Variants in PHF12 observed in about 807,000 individuals in gnomAD.
PHF12 encodes the protein PHD finger protein 12.
A neutral mutation model predicts 99.8 loss-of-function variants in PHF12; 6 were observed. The ratio of observed to expected loss-of-function variants is 0.06; its 90% CI spans 0.03 to 0.12. The LOEUF (loss-of-function observed/expected upper bound fraction) is 0.12, where lower values mean the gene tolerates loss of function less well. Among genes scored for constraint, PHF12 ranks in the 10% least tolerant of loss-of-function variants. PHF12 has a pLI of 1.00. For synonymous variants in PHF12, 480 were observed against 514.9 expected (o/e 0.93, Z 0.92); for missense variants, 954 against 1,300.1 (o/e 0.73, Z 4.09).
At chr17:28,914,596 C>G (rs1273244505) in intron 7 of PHF12, among the ~76,000 whole-genome samples, 1 of 134,158 alleles carries the variant, frequency 7.5e-6, no homozygotes, top group Admixed American at 8.6e-5. Flanking sequence ...GGCATGAACC[C>G]GGGAGGCGGA....
chr17:28,909,177 C>T (rs890611665), intron 11 of PHF12: 2 of 385,456 alleles, frequency 5.2e-6, no homozygotes, highest in Non-Finnish European at 9.7e-6. Context: ...GATATTCCAG[C>T]TGGTACTATA....
chr17:28,942,435 G>A (rs1248825442), intron 2 of PHF12, among the ~76,000 whole-genome samples: 1 of 151,982 alleles, frequency 6.6e-6, no homozygotes, highest in East Asian at 1.9e-4. Context: ...GTGGAGGATT[G>A]CTTGAGACTA....
At position 28,913,289 on chromosome 17, in the gene PHF12, G is replaced by A; in HGVS notation, c.1294-12C>T. The A allele has an allele frequency of 6.3e-7, 1 of 1,590,898 alleles. No individual in the cohort carries two copies. Among genetic ancestry groups the A allele is most frequent in the Non-Finnish European group, 8.6e-7 (1 of 1,166,306 alleles). On this transcript the variant is annotated splice_polypyrimidine_tract_variant and intron_variant, in intron 8 of 14. Transcript: ENST00000332830. ...ACACTACAGAGCCACTGCAATGGAA[G>A]GAGAGGAGAGGGGGGTGAGAAGCCT...
rs768101221 is a variant in PHF12 at position 28,926,938 on chromosome 17, T to C, written c.321+53A>G. ...GCTAGGCCGTCTTAGCTCTAGCATA[T>C]CAGTGCTCTGGATCAGGCTTTCTGG... On this transcript the variant is annotated intron_variant, in intron 3 of 14. Transcript: ENST00000332830. 12 of 1,608,876 alleles carry C rather than the reference T, an allele frequency of 7.5e-6. No homozygotes were observed. The Admixed American group carries it at 1.8e-4, about 25-fold the overall frequency.
intron 9 of PHF12, chr17:28,912,064 ATTCTTTTGTGTGGATCTGACAATAC>A: frequency 1.0e-6 from 1 of 1,001,884 alleles, no homozygotes; most frequent in Non-Finnish European, 1.2e-6. Context: ...GCATGAATCC[ATTCTTTTGTGTGGATCTGACAATAC>A]TGAGGCCATC....
At chr17:28,923,006 G>T (rs1161367771) in intron 4 of PHF12, among the ~76,000 whole-genome samples, 1 of 151,318 alleles carries the variant, frequency 6.6e-6, no homozygotes, top group Non-Finnish European at 1.5e-5. Context: ...CTTGAGCTGT[G>T]GTCACACCAC....
intron 7 of PHF12, 98 bp downstream of exon 7, chr17:28,917,187 C>T: frequency 3.9e-6 from 6 of 1,529,426 alleles, no homozygotes; most frequent in Non-Finnish European, 4.5e-6. Context: ...ATTTCTGGGG[C>T]TTCAGTTTCC....
rs1239256078 is a variant in PHF12 at position 28,905,584 on chromosome 17, T to C, written c.*599A>G. The C allele has an allele frequency of 6.6e-6, 1 of 152,588 alleles. No homozygotes were observed. The highest frequency in any genetic ancestry group is 1.5e-5 in the Non-Finnish European group (1 of 68,044). The allele number at this position is 152,588 out of a possible 1,614,324, so 9.5% of individuals were successfully genotyped here. On this transcript the variant is annotated 3_prime_UTR_variant, in exon 15 of 15. Transcript: ENST00000332830. ...TTTTCCTTATTTGAAATAAAATAGA[T>C]GGACAGCCAGAAAAAGAATTCATTT...
Position 28,951,467 on chromosome 17 carries a change from C to T in PHF12, c.-507G>A, listed in dbSNP as rs1452288262. ...TGCCGCGCACTTGGCGCAAACTTAC[C>T]GCGAGCGCCCGCAAAGCCACCCGCG... On this transcript the variant is annotated 5_prime_UTR_variant, in exon 1 of 15. Transcript: ENST00000332830. 1.0e-6 allele frequency: 1 copy of T among 985,460 alleles called. No homozygotes were observed. Among genetic ancestry groups the T allele is most frequent in the Admixed American group, 6.1e-5 (1 of 16,264 alleles). The allele number at this position is 985,460 out of a possible 1,614,324, so 61.0% of individuals were successfully genotyped here.
chr17:28,923,653 C>CAAAAAAAAAAAAAAAAAAAAAAAAAAA lies in PHF12; in HGVS notation c.715+255_715+256insTTTTTTTTTTTTTTTTTTTTTTTTTTT, dbSNP rs35263191. Among the ~76,000 whole-genome samples the CAAAAAAAAAAAAAAAAAAAAAAAAAAA allele has an allele frequency of 1.4e-3, 62 of 43,470 alleles. 3 individuals are homozygous for CAAAAAAAAAAAAAAAAAAAAAAAAAAA. Among genetic ancestry groups the CAAAAAAAAAAAAAAAAAAAAAAAAAAA allele is most frequent in the African/African-American group, 1.5e-3 (16 of 10,382 alleles). 28.5% of individuals were successfully genotyped at this position (43,470 alleles called of 152,430 possible). A position where few individuals can be genotyped will look rare whatever the true frequency, so the allele number is the denominator to read the frequency against. ...AGCCTGAGTGACAAAGTGAGACTCA[C>CAAAAAAAAAAAAAAAAAAAAAAAAAAA]AAAAAAAAAAAAAAAAAAAAAAGGA... On this transcript the variant is annotated intron_variant, in intron 4 of 14. Transcript: ENST00000332830.
Position 28,915,795 on chromosome 17 carries a change from C to T in PHF12, c.1134+1490G>A, listed in dbSNP as rs761415055. 3.9e-5 allele frequency among the ~76,000 whole-genome samples: 6 copies of T among 152,190 alleles called. No homozygotes were observed. The East Asian group carries it at 9.6e-4, about 24-fold the overall frequency. On this transcript the variant is annotated intron_variant, in intron 7 of 14. Coordinates refer to ENST00000332830, the MANE Select transcript of PHF12 (RefSeq NM_001033561.2). ...TCTTCACCAATGTTCTATGGTGCTACGGTCCTCATTTCACTCTCAAACTGT... is the reference window on the plus strand; with the variant it reads ...TCTTCACCAATGTTCTATGGTGCTATGGTCCTCATTTCACTCTCAAACTGT...
At chr17:28,911,786 CA>C (rs2039965361) in intron 9 of PHF12, among the ~76,000 whole-genome samples, 1 of 152,160 alleles carries the variant, frequency 6.6e-6, no homozygotes, top group South Asian at 2.1e-4. Flanking sequence ...GTTCCGGCAG[CA>C]TCTGAAACCT....
intron 2 of PHF12, among the ~76,000 whole-genome samples, chr17:28,936,756 T>G (rs1041754114): frequency 2.6e-5 from 4 of 152,228 alleles, no homozygotes; most frequent in African/African-American, 9.6e-5. Flanking sequence ...ACAATAGGAC[T>G]GAGCAGTTTT....
intron 2 of PHF12, among the ~76,000 whole-genome samples, chr17:28,940,312 G>A (rs1317282294): frequency 1.3e-5 from 2 of 152,246 alleles, no homozygotes; most frequent in African/African-American, 4.8e-5. Context: ...AAATGGGTCA[G>A]CCTCCGGCTT....
intron 3 of PHF12, chr17:28,926,572 T>C (rs2040277213): frequency 5.6e-6 from 2 of 354,218 alleles, no homozygotes; most frequent in Non-Finnish European, 1.1e-5. Flanking sequence ...GGGGTACAAA[T>C]GCGTTCAAAA....
chr17:28,948,594 TTC>T (rs1204600905), intron 2 of PHF12, among the ~76,000 whole-genome samples: 1 of 152,230 alleles, frequency 6.6e-6, no homozygotes, highest in Non-Finnish European at 1.5e-5. Context: ...CCTACATAAC[TTC>T]TGACCATAAA....
At chr17:28,920,624 G>A (rs1007966296) in intron 5 of PHF12, among the ~76,000 whole-genome samples, 3 of 152,242 alleles carry the variant, frequency 2.0e-5, no homozygotes, top group Non-Finnish European at 4.4e-5. Context: ...GTGCAGTGGC[G>A]TGACCTCAGC....
intron 13 of PHF12, chr17:28,907,196 A>G (rs2039886469): frequency 1.8e-6 from 1 of 558,934 alleles, no homozygotes; most frequent in African/African-American, 1.9e-5. Flanking sequence ...CACACTCCCT[A>G]CTCTCCCACT....
In PHF12 at chr17:28,938,141, TTA is replaced by T. The variant is rs1358863579; in HGVS notation, c.249-11080_249-11079del. Among the ~76,000 whole-genome samples, 12 of 152,308 alleles carry T rather than the reference TTA, an allele frequency of 7.9e-5. No individual in the cohort carries two copies. In the South Asian group the frequency reaches 2.5e-3, roughly 32 times the overall value. ...TCAGGAATGTGGGCCAGTTTACAGTTTATATATATTGTACCTAAAATTCTATA... is the reference window on the plus strand; with the variant it reads ...TCAGGAATGTGGGCCAGTTTACAGTTTATATATTGTACCTAAAATTCTATA... On this transcript the variant is annotated intron_variant, in intron 2 of 14. Coordinates refer to ENST00000332830, the MANE Select transcript of PHF12 (RefSeq NM_001033561.2).
Sources: allele counts gnomAD v4.1 joint callset (sites outside exome capture counted in the v4.1 genomes callset), GRCh38; gene constraint gnomAD v4.1.1; transcripts MANE v1.5; gene names NCBI Gene and HGNC (gene_info 2026-07-23, HGNC 2026-07-21).